Variants in CCT4 observed in about 807,000 individuals in gnomAD.
The protein encoded by CCT4 is T-complex protein 1 subunit delta.
A neutral mutation model predicts 62.5 loss-of-function variants in CCT4; 17 were observed. The observed-to-expected ratio is 0.27, with a 90% CI of 0.19 to 0.41. The LOEUF (loss-of-function observed/expected upper bound fraction) is 0.41, where lower values mean the gene tolerates loss of function less well. Among genes scored for constraint, CCT4 ranks in the 10% least tolerant of loss-of-function variants. The pLI is 1.00. For missense variants in CCT4, 592 were observed against 659.2 expected (o/e 0.90, Z 1.12); for synonymous variants, 250 against 229.9 (o/e 1.09, Z -0.79).
At chr2:61,886,285 G>C (rs565867405) in intron 1 of CCT4, among the ~76,000 whole-genome samples, 189 of 152,238 alleles carry the variant, frequency 1.2e-3, no homozygotes, top group African/African-American at 4.3e-3. Context: ...GTGCGCATCT[G>C]TAGTCCCAGC....
In CCT4 at chr2:61,876,042, A is replaced by G. The variant is rs1034168005; in HGVS notation, c.917+53T>C. The G allele has an allele frequency of 5.9e-6, 7 of 1,188,578 alleles. No homozygotes were observed. In the African/African-American group the frequency reaches 9.2e-5, roughly 16 times the overall value. 73.6% of individuals were successfully genotyped at this position (1,188,578 alleles called of 1,614,324 possible). On this transcript the variant is annotated intron_variant, in intron 8 of 13. Transcript: ENST00000394440. ...ATTTTATCAGAAAAAATAAACTGCT[A>G]GTGGAGATCCAAAATTATCATTAAG...
chr2:61,873,212 A>G lies in CCT4; in HGVS notation c.999T>C (p.Ile333=), dbSNP rs1306963871. Residue 333 remains isoleucine, a synonymous_variant, in exon 9 of 14, where the codon ATT becomes ATC. Transcript: ENST00000394440. Reference sequence around the variant, plus strand: ...AATGTTTTACCTTACAAATGAATTCAATGTCTTCTCTTTCAATATCCTTAA... The same window carrying G: ...AATGTTTTACCTTACAAATGAATTCGATGTCTTCTCTTTCAATATCCTTAA... ...MVIKDIERED[I]EFICKTIGTK... 2 of 1,492,800 alleles carry G rather than the reference A, an allele frequency of 1.3e-6. No individual in the cohort carries two copies. Among genetic ancestry groups the G allele is most frequent in the East Asian group, 4.5e-5 (2 of 44,380 alleles). 92.5% of individuals were successfully genotyped at this position (1,492,800 alleles called of 1,614,324 possible). A position where few individuals can be genotyped will look rare whatever the true frequency, so the allele number is the denominator to read the frequency against.
Position 61,873,113 on chromosome 2 carries a change from C to G in CCT4, c.1015-1G>C. The G allele has an allele frequency of 6.3e-7, 1 of 1,584,316 alleles. No homozygotes were observed. Among genetic ancestry groups the G allele is most frequent in the Non-Finnish European group, 8.7e-7 (1 of 1,152,932 alleles). On this transcript the variant is annotated splice_acceptor_variant, in intron 9 of 13. Transcript: ENST00000394440. LOFTEE classifies it high-confidence loss of function. ...GAGCAACTGGCTTGGTTCCAATTGTCTGGAAAAAACAGTCAAATCCACAAA... is the reference window on the plus strand; with the variant it reads ...GAGCAACTGGCTTGGTTCCAATTGTGTGGAAAAAACAGTCAAATCCACAAA...
In CCT4 at chr2:61,879,005, T is replaced by C. The variant is rs1255826475; in HGVS notation, c.386A>G (p.His129Arg). 6.3e-7 allele frequency: 1 copy of C among 1,599,272 alleles called. No homozygotes were observed. The highest frequency in any genetic ancestry group is 1.3e-5 in the African/African-American group (1 of 74,222). ...SCTKLLQKGI[H>R]PTIISESFQK... ...GAATGACTCAGAAATGATGGTTGGA[T>C]GAATCCCTGTAATTTGTGAAAGTCT... Residue 129 changes from histidine to arginine, a missense_variant, in exon 5 of 14, where the codon CAT (histidine) becomes CGT (arginine). His to Arg is a conservative substitution (Grantham distance 29). This residue lies in a region of CCT4 where 522 missense variants were observed against 571.2 expected (regional missense o/e 0.91). Transcript: ENST00000394440.
At position 61,869,466 on chromosome 2, in the gene CCT4, G is replaced by A. The variant is rs780167648; in HGVS notation, c.1579C>T (p.Arg527Trp). Reference sequence around the variant, plus strand: ...ACATCATCTATTTTCAGAATGCTCCGAACAGTTTCAGTTGCAAGAGTCAGA... The same window carrying A: ...ACATCATCTATTTTCAGAATGCTCCAAACAGTTTCAGTTGCAAGAGTCAGA... ...SALTLATETV[R>W]SILKIDDVVN... The change falls in exon 13 of 14, where the codon CGG (arginine) becomes TGG (tryptophan). Residue 527 changes from arginine (R) to tryptophan (W), a missense_variant. By Grantham distance (101) the Arg-to-Trp change is moderately radical (BLOSUM62 -3). This residue lies in a region of CCT4 where 522 missense variants were observed against 571.2 expected (regional missense o/e 0.91). Transcript: ENST00000394440. 2 of 1,608,444 alleles carry A rather than the reference G, an allele frequency of 1.2e-6. No homozygotes were observed. The highest frequency in any genetic ancestry group is 1.1e-5 in the South Asian group (1 of 90,964).
intron 8 of CCT4, among the ~76,000 whole-genome samples, chr2:61,873,989 T>C (rs1038474606): frequency 5.3e-5 from 8 of 152,158 alleles, no homozygotes; most frequent in African/African-American, 1.2e-4. Context: ...CATGAGCCAC[T>C]GTGCCTGACC....
chr2:61,876,728 A>G (rs972235053), intron 7 of CCT4, among the ~76,000 whole-genome samples, 192 bp downstream of exon 7: 9 of 152,176 alleles, frequency 5.9e-5, no homozygotes, highest in African/African-American at 1.7e-4. Context: ...CTAGCTCTCA[A>G]TTTCAATATC....
chr2:61,880,592 T>C (rs893533141), intron 3 of CCT4, among the ~76,000 whole-genome samples, 198 bp from the exon 4 acceptor site: 6 of 152,210 alleles, frequency 3.9e-5, no homozygotes, highest in African/African-American at 1.4e-4. Flanking sequence ...GATTGTGGGT[T>C]GTCATCTCCC....
chr2:61,888,368 A>AT lies in CCT4; in HGVS notation c.127+12dup, dbSNP rs1669309474. 2 of 1,609,536 alleles carry AT rather than the reference A, an allele frequency of 1.2e-6. No individual in the cohort carries two copies. The highest frequency in any genetic ancestry group is 2.7e-5 in the African/African-American group (2 of 74,690). ...ACCCCGCGGCGCCGCGGGTCAGGCCATGAGAGTGATACCTTTGGCGGCGGA... is the reference window on the plus strand; with the variant it reads ...ACCCCGCGGCGCCGCGGGTCAGGCCATTGAGAGTGATACCTTTGGCGGCGGA... On this transcript the variant is annotated intron_variant, in intron 1 of 13. Transcript: ENST00000394440.
chr2:61,873,552 C>T (rs936274482), intron 8 of CCT4, among the ~76,000 whole-genome samples: 1 of 147,894 alleles, frequency 6.8e-6, no homozygotes, highest in African/African-American at 2.4e-5. Flanking sequence ...ATTATTTTTT[C>T]CCCATTTATT....
chr2:61,888,642 G>A lies in CCT4; in HGVS notation c.-135C>T, dbSNP rs1223851313. ...AAAGCGGCGCCGGCGTCGGGAGGAG[G>A]CGGAGGCGGAGAAGGGGGCCTTCCT... On this transcript the variant is annotated 5_prime_UTR_variant, in exon 1 of 14. Coordinates refer to ENST00000394440, the MANE Select transcript of CCT4 (RefSeq NM_006430.4). 3.8e-6 allele frequency: 4 copies of A among 1,054,740 alleles called. No individual in the cohort carries two copies. The highest frequency in any genetic ancestry group is 5.3e-6 in the Non-Finnish European group (4 of 757,420). 65.3% of individuals were successfully genotyped at this position (1,054,740 alleles called of 1,614,324 possible). A position where few individuals can be genotyped will look rare whatever the true frequency, so the allele number is the denominator to read the frequency against.
intron 10 of CCT4, 138 bp from the exon 11 acceptor site, chr2:61,872,726 G>C (rs571653599): frequency 3.9e-6 from 3 of 769,312 alleles, no homozygotes; most frequent in East Asian, 5.2e-5. Context: ...AGGAGATCGA[G>C]ACCATCCTGA....
At position 61,872,231 on chromosome 2, in the gene CCT4, A is replaced by G; in HGVS notation, c.1342T>C (p.Ser448Pro). The G allele has an allele frequency of 6.2e-7, 1 of 1,613,828 alleles. No homozygotes were observed. The highest frequency in any genetic ancestry group is 1.3e-5 in the African/African-American group (1 of 75,040). ...EYSRTLSGME[S>P]YCVRAFADAM... ...TCTGCAAAAGCACGAACGCAGTAGG[A>G]TTCCATACCACTCAGTGTTCGTGAA... Residue 448 changes from serine (S) to proline (P), a missense_variant, in exon 12 of 14, where the codon TCC becomes CCC. Transcript: ENST00000394440.
chr2:61,885,496 C>T (rs1048113402), intron 1 of CCT4, among the ~76,000 whole-genome samples: 2 of 152,060 alleles, frequency 1.3e-5, no homozygotes, highest in Non-Finnish European at 2.9e-5. Context: ...CTGCAACCTC[C>T]GCCTCCTGAG....
intron 7 of CCT4, 92 bp from the exon 8 acceptor site, chr2:61,876,326 T>G: frequency 1.1e-6 from 1 of 919,250 alleles, no homozygotes; most frequent in Admixed American, 2.5e-5. Context: ...GTTGTATAAA[T>G]TCAACCAAAA....
rs59031193 is a variant in CCT4, at chr2:61,883,773, GACACACACACACACACACACACACACAC to G, written c.181-253_181-226del. 2.1e-5 allele frequency among the ~76,000 whole-genome samples: 3 copies of G among 143,838 alleles called. No individual in the cohort carries two copies. In the East Asian group the frequency reaches 6.3e-4, roughly 30 times the overall value. The allele number at this position is 143,838 out of a possible 152,430, so 94.4% of individuals were successfully genotyped here. On this transcript the variant is annotated intron_variant, in intron 2 of 13. Coordinates refer to ENST00000394440, the MANE Select transcript of CCT4 (RefSeq NM_006430.4). ...GGTAATCTAAAAGTGAAGAAATGTA[GACACACACACACACACACACACACACAC>G]ACACACACACACACAAAAGGAAAAA...
intron 1 of CCT4, among the ~76,000 whole-genome samples, chr2:61,887,331 T>C (rs781200241): frequency 6.6e-6 from 1 of 152,164 alleles, no homozygotes; most frequent in Non-Finnish European, 1.5e-5. Flanking sequence ...GTGTACTTTA[T>C]ATACGTGGGT....
chr2:61,877,576 A>G, intron 5 of CCT4, 62 bp from the exon 6 acceptor site: 1 of 1,260,934 alleles, frequency 7.9e-7, no homozygotes. Context: ...TAATTTTTCA[A>G]TGACAAAGAT....
Position 61,885,081 on chromosome 2 carries a change from G to GC in CCT4, c.128-10_128-9insG. 1 of 1,424,472 alleles carries GC rather than the reference G, an allele frequency of 7.0e-7. No individual in the cohort carries two copies. Among genetic ancestry groups the GC allele is most frequent in the African/African-American group, 2.1e-5 (1 of 48,724 alleles). The allele number at this position is 1,424,472 out of a possible 1,614,324, so 88.2% of individuals were successfully genotyped here. ...AATAGCATCAGCAACCGCTGCAGAT[G>GC]GGGGGGAAAAAAAAGAAAACAAATT... On this transcript the variant is annotated splice_polypyrimidine_tract_variant and intron_variant, in intron 1 of 13. Transcript: ENST00000394440.
Sources: gnomAD v4.1 joint callset for allele counts (sites outside exome capture counted in the v4.1 genomes callset) on GRCh38, gnomAD v4.1.1 for gene constraint, gnomAD v4.1.1 regional missense constraint, MANE v1.5 for transcripts, NCBI Gene and HGNC (gene_info 2026-07-23, HGNC 2026-07-21) for gene names.